Variants in ZNF438 observed in about 807,000 individuals in gnomAD.
ZNF438 encodes zinc finger protein 438.
In ZNF438, 25 loss-of-function variants were observed where a neutral mutation model predicts 38.0. The ratio of observed to expected loss-of-function variants is 0.66; its 90% CI spans 0.48 to 0.92. The LOEUF (loss-of-function observed/expected upper bound fraction) is 0.92. Among genes scored for constraint, ZNF438 ranks in the 40% least tolerant of loss-of-function variants. The pLI is 0.00. For synonymous variants in ZNF438, 372 were observed against 364.1 expected (o/e 1.02, Z -0.25); for missense variants, 1,007 against 999.6 (o/e 1.01, Z -0.10).
intron 4 of ZNF438, among the ~76,000 whole-genome samples, chr10:30,855,858 CAAAAG>C (rs1422773670): frequency 2.6e-5 from 4 of 152,112 alleles, no homozygotes; most frequent in African/African-American, 9.7e-5. Flanking sequence ...TGAAATGAAA[CAAAAG>C]AAATCAGGAT....
intron 3 of ZNF438, among the ~76,000 whole-genome samples, chr10:30,888,035 T>G (rs747148457): frequency 6.6e-6 from 1 of 152,180 alleles, no homozygotes; most frequent in African/African-American, 2.4e-5. Flanking sequence ...CATTAACTGA[T>G]ATGCATTTGA....
chr10:31,031,954 C>G (rs2057325924), upstream of ZNF438: 2 of 152,066 alleles, frequency 1.3e-5, no homozygotes, highest in South Asian at 4.1e-4. Flanking sequence ...GCCCCGGCGC[C>G]GCGGCGGGAG....
chr10:30,972,904 T>A (rs1295706202), intron 1 of ZNF438, among the ~76,000 whole-genome samples: 2 of 152,192 alleles, frequency 1.3e-5, no homozygotes, highest in Non-Finnish European at 1.5e-5. Context: ...CCCTTTAATT[T>A]CAAATTTAAA....
At chr10:30,935,592 A>C (rs900153522) in intron 2 of ZNF438, among the ~76,000 whole-genome samples, 6 of 152,206 alleles carry the variant, frequency 3.9e-5, no homozygotes, top group African/African-American at 1.4e-4. Flanking sequence ...TGGGGATCAA[A>C]TTTTAACATG....
At chr10:30,880,233 C>T (rs2039026746) in intron 3 of ZNF438, among the ~76,000 whole-genome samples, 1 of 151,942 alleles carries the variant, frequency 6.6e-6, no homozygotes, top group South Asian at 2.1e-4. Context: ...GAGTTTGAGA[C>T]CAGCCTGACC....
chr10:30,901,376 C>G (rs1424045466), intron 3 of ZNF438, among the ~76,000 whole-genome samples: 1 of 151,700 alleles, frequency 6.6e-6, no homozygotes, highest in Non-Finnish European at 1.5e-5. Flanking sequence ...AGCCGCGGAC[C>G]CTCGCGCTGA....
chr10:30,862,801 A>G (rs1942215362), intron 4 of ZNF438, among the ~76,000 whole-genome samples: 1 of 152,268 alleles, frequency 6.6e-6, no homozygotes, highest in Admixed American at 6.5e-5. Flanking sequence ...TGGTCAAAAC[A>G]CTATGATTAT....
At chr10:30,850,246 A>G (rs2033329352) in exon 5 of ZNF438, 2 of 1,614,102 alleles carry the variant, frequency 1.2e-6, no homozygotes, top group African/African-American at 2.7e-5. Flanking sequence ...ATGGTGAATG[A>G]CATGGCAGCA....
At chr10:30,940,848 G>C (rs562776506) in intron 2 of ZNF438, among the ~76,000 whole-genome samples, 2 of 152,154 alleles carry the variant, frequency 1.3e-5, no homozygotes, top group South Asian at 4.1e-4. Flanking sequence ...TCAAGTGCTA[G>C]TTAATTAACA....
chr10:30,999,336 A>T (rs944277868), intron 1 of ZNF438: 1 of 152,136 alleles, frequency 6.6e-6, no homozygotes, highest in African/African-American at 2.4e-5. Flanking sequence ...AGTGGGCCTC[A>T]CCAGGGGCTC....
At chr10:30,902,302 A>T (rs1004745250) in intron 3 of ZNF438, among the ~76,000 whole-genome samples, 1 of 152,144 alleles carries the variant, frequency 6.6e-6, no homozygotes, top group African/African-American at 2.4e-5. Flanking sequence ...CCTGAGCTAG[A>T]CACAAAAATT....
chr10:31,018,832 T>A (rs181120637), intron 1 of ZNF438, among the ~76,000 whole-genome samples: 1 of 152,256 alleles, frequency 6.6e-6, no homozygotes, highest in East Asian at 1.9e-4. Context: ...CTGTTGCCAT[T>A]CCAGTTGCTG....
rs2046386249 is a variant in ZNF438 at position 30,937,571 on chromosome 10, CATTAA to C, written c.-115+3999_-115+4003del. ...ACATGAGTAGACAATGGTCTCCTTC[CATTAA>C]ATGCAAACTGGCTGAAATTACTATT... On this transcript the variant is annotated intron_variant, in intron 2 of 5. Transcript: ENST00000413025. Among the ~76,000 whole-genome samples, 3 of 152,252 alleles carry C rather than the reference CATTAA, an allele frequency of 2.0e-5. No homozygotes were observed. In the East Asian group the frequency reaches 5.8e-4, roughly 29 times the overall value.
intron 5 of ZNF438, among the ~76,000 whole-genome samples, chr10:30,846,815 G>T (rs1321046353): frequency 6.6e-6 from 1 of 152,124 alleles, no homozygotes; most frequent in Non-Finnish European, 1.5e-5. Flanking sequence ...TTCCCCCCAC[G>T]GGCTCAAGAA....
intron 4 of ZNF438, chr10:30,857,654 T>A (rs1055145116): frequency 6.7e-7 from 1 of 1,482,304 alleles, no homozygotes; most frequent in Middle Eastern, 1.7e-4. Flanking sequence ...CAAAAGCATA[T>A]TTTTATATTT....
At chr10:30,951,103 T>C (rs2135784040) in intron 1 of ZNF438, among the ~76,000 whole-genome samples, 1 of 145,232 alleles carries the variant, frequency 6.9e-6, no homozygotes, top group Non-Finnish European at 1.5e-5. Context: ...TATACGCAAA[T>C]CAATAAATGT....
At chr10:30,983,462 C>T (rs931034636) in intron 1 of ZNF438, among the ~76,000 whole-genome samples, 6 of 152,000 alleles carry the variant, frequency 3.9e-5, no homozygotes, top group African/African-American at 9.7e-5. Context: ...TTTAAACAAC[C>T]GGATCTCATG....
upstream of ZNF438, chr10:31,032,063 C>T: frequency 6.6e-6 from 1 of 152,382 alleles, no homozygotes; most frequent in South Asian, 2.1e-4. Context: ...TGCCTGTGGG[C>T]TTCGCCGACC....
At chr10:30,849,354 C>A (rs755380947) in exon 5 of ZNF438, 3 of 1,614,122 alleles carry the variant, frequency 1.9e-6, no homozygotes, top group African/African-American at 2.7e-5. Context: ...TGCTGTGACA[C>A]TTGTGGAACA....
Sources: allele counts gnomAD v4.1 joint callset (sites outside exome capture counted in the v4.1 genomes callset), GRCh38; gene constraint gnomAD v4.1.1; transcripts MANE v1.5; gene names NCBI Gene and HGNC (gene_info 2026-07-23, HGNC 2026-07-21).